DLGAP2: variants seen among roughly 807,000 people sequenced by gnomAD.
The protein encoded by DLGAP2 is disks large-associated protein 2.
Under a neutral mutation model 100.3 loss-of-function variants are expected in DLGAP2, and 26 were observed. The ratio of observed to expected loss-of-function variants is 0.26; its 90% CI spans 0.19 to 0.36. DLGAP2 has a LOEUF of 0.36. Ranked by LOEUF, DLGAP2 falls within the 10% of genes least tolerant of loss-of-function variation. The pLI is 1.00. For synonymous variants in DLGAP2, 886 were observed against 630.1 expected, an observed-to-expected ratio of 1.41 and a Z score of -6.08; for missense variants, 1,858 against 1,453.2, an observed-to-expected ratio of 1.28 and a Z score of -4.53.
At chr8:1,360,689 C>A (rs1269928300) in intron 3 of DLGAP2, among the ~76,000 whole-genome samples, 1 of 152,216 alleles carries the variant, frequency 6.6e-6, no homozygotes, top group African/African-American at 2.4e-5. Context: ...GAAACACACA[C>A]CACACCGCCC....
intron 2 of DLGAP2, among the ~76,000 whole-genome samples, chr8:915,538 C>G (rs1798572878): frequency 7.1e-6 from 1 of 139,926 alleles, no homozygotes; most frequent in Admixed American, 7.7e-5. Flanking sequence ...CAGAGCAAGA[C>G]TCCATCTCTA....
chr8:1,668,433 C>G lies in DLGAP2; in HGVS notation c.1915C>G (p.Gln639Glu). 6.2e-7 allele frequency: 1 copy of G among 1,602,704 alleles called. No homozygotes were observed. Among genetic ancestry groups the G allele is most frequent in the Non-Finnish European group, 8.5e-7 (1 of 1,175,224 alleles). Residue 639 changes from glutamine (Q) to glutamate (E), a missense_variant, in exon 9 of 15, where the codon CAG becomes GAG. Coordinates refer to ENST00000637795, the MANE Select transcript of DLGAP2 (RefSeq NM_001346810.2). ...VTAQSSTEST[Q>E]DAYQDSRAQR... ...GGCGCAGAGCAGCACCGAATCCACC[C>G]AGGACGCCTACCAGGACAGCCGCGC...
At chr8:1,221,497 A>G (rs1030069633) in intron 2 of DLGAP2, among the ~76,000 whole-genome samples, 1 of 152,160 alleles carries the variant, frequency 6.6e-6, no homozygotes, top group African/African-American at 2.4e-5. Flanking sequence ...CCCTTGGTAC[A>G]TGACCTGCCT....
chr8:1,695,328 C>T (rs1302686381), intron 13 of DLGAP2, among the ~76,000 whole-genome samples: 13 of 136,370 alleles, frequency 9.5e-5, no homozygotes, highest in African/African-American at 2.4e-4. Context: ...GGGGGCACAG[C>T]CATGCCCGGC....
At position 1,304,207 on chromosome 8, in the gene DLGAP2, T is replaced by C. The variant is rs574809988; in HGVS notation, c.106+45324T>C. Among the ~76,000 whole-genome samples, 3 of 152,314 alleles carry C rather than the reference T, an allele frequency of 2.0e-5. No homozygotes were observed. The South Asian group carries it at 6.2e-4, about 32-fold the overall frequency. On this transcript the variant is annotated intron_variant, in intron 3 of 14. Coordinates refer to ENST00000637795, the MANE Select transcript of DLGAP2 (RefSeq NM_001346810.2). ...GAAAGGAACTGAGAGCTGACAGCTT[T>C]TGTGTCCACGCTGGACTCTTCCTGT...
intron 2 of DLGAP2, among the ~76,000 whole-genome samples, chr8:1,175,187 A>G (rs1198320030): frequency 6.6e-6 from 1 of 152,218 alleles, no homozygotes; most frequent in Non-Finnish European, 1.5e-5. Flanking sequence ...CTATGGCCAT[A>G]AAATTACTAA....
At chr8:916,987 C>T (rs922843558) in intron 2 of DLGAP2, among the ~76,000 whole-genome samples, 1 of 152,204 alleles carries the variant, frequency 6.6e-6, no homozygotes, top group African/African-American at 2.4e-5. Context: ...GAAGGGCCTC[C>T]TCTCTAGGGT....
chr8:1,209,979 T>G (rs1302705520), intron 2 of DLGAP2, among the ~76,000 whole-genome samples: 1 of 152,190 alleles, frequency 6.6e-6, no homozygotes, highest in Non-Finnish European at 1.5e-5. Context: ...ACTCAAATAA[T>G]TTGCCAGTTT....
At chr8:1,614,485 C>T (rs1264737219) in intron 6 of DLGAP2, among the ~76,000 whole-genome samples, 2 of 152,236 alleles carry the variant, frequency 1.3e-5, no homozygotes, top group African/African-American at 2.4e-5. Context: ...CTGCCATTGA[C>T]GGCTTGGACC....
At chr8:907,803 T>C (rs1262423031) in intron 1 of DLGAP2, 109 bp from the exon 2 acceptor site, 1 of 395,736 alleles carries the variant, frequency 2.5e-6, no homozygotes, top group African/African-American at 2.1e-5. Flanking sequence ...ACGCTGACTT[T>C]GTGCAACATT....
chr8:1,586,209 C>G (rs1026052521), intron 6 of DLGAP2, among the ~76,000 whole-genome samples: 4 of 152,250 alleles, frequency 2.6e-5, no homozygotes, highest in Non-Finnish European at 4.4e-5. Flanking sequence ...GAGGTGTCGG[C>G]CGTTGGCCCT....
intron 6 of DLGAP2, among the ~76,000 whole-genome samples, chr8:1,591,893 C>T (rs1189826005): frequency 1.3e-5 from 2 of 152,204 alleles, no homozygotes; most frequent in African/African-American, 4.8e-5. Context: ...CCCACGGACT[C>T]CCAGGGAGGT....
At chr8:1,260,637 T>G (rs1437263478) in intron 3 of DLGAP2, among the ~76,000 whole-genome samples, 1 of 151,930 alleles carries the variant, frequency 6.6e-6, no homozygotes, top group Non-Finnish European at 1.5e-5. Flanking sequence ...AAGAGTTTTT[T>G]CCCAGTAAAT....
chr8:1,533,258 G>A (rs1369219421), intron 4 of DLGAP2, among the ~76,000 whole-genome samples: 1 of 152,066 alleles, frequency 6.6e-6, no homozygotes, highest in Non-Finnish European at 1.5e-5. Context: ...CAGCACTTTG[G>A]GAGGCCGAGG....
chr8:1,037,119 A>T (rs1462411855), intron 2 of DLGAP2, among the ~76,000 whole-genome samples: 2 of 152,038 alleles, frequency 1.3e-5, no homozygotes, highest in Non-Finnish European at 2.9e-5. Flanking sequence ...GCCCATGGTC[A>T]CGTAGAGAGA....
At chr8:1,356,953 C>T (rs1351594059) in intron 3 of DLGAP2, among the ~76,000 whole-genome samples, 1 of 152,192 alleles carries the variant, frequency 6.6e-6, no homozygotes, top group Non-Finnish European at 1.5e-5. Context: ...AACCCGCGAG[C>T]AGCTGCGAGG....
chr8:1,242,393 A>C (rs4976862), intron 2 of DLGAP2, among the ~76,000 whole-genome samples: 1 of 152,222 alleles, frequency 6.6e-6, no homozygotes, highest in Non-Finnish European at 1.5e-5. Flanking sequence ...AAGGCCCCAC[A>C]TCACCAGCCA....
At chr8:1,475,647 C>T (rs955339707) in intron 3 of DLGAP2, among the ~76,000 whole-genome samples, 9 of 152,154 alleles carry the variant, frequency 5.9e-5, no homozygotes, top group Non-Finnish European at 8.8e-5. Context: ...CTTGTCATCC[C>T]GGGACCCACC....
intron 3 of DLGAP2, among the ~76,000 whole-genome samples, chr8:1,306,457 C>T (rs1800494282): frequency 6.6e-6 from 1 of 152,222 alleles, no homozygotes; most frequent in African/African-American, 2.4e-5. Context: ...AACGGAAAGA[C>T]ATCTGTGTTC....
Sources: allele counts gnomAD v4.1 joint callset (sites outside exome capture counted in the v4.1 genomes callset), GRCh38; gene constraint gnomAD v4.1.1; transcripts MANE v1.5; gene names NCBI Gene and HGNC (gene_info 2026-07-23, HGNC 2026-07-21).